The following SLIT2 variants were observed in gnomAD, a reference collection of about 807,000 sequenced individuals.
The protein encoded by SLIT2 is slit homolog 2 protein.
SLIT2 carries 41 observed loss-of-function variants against 185.7 expected under a neutral mutation model. That is an observed-to-expected ratio of 0.22 (90% CI 0.17 to 0.29). The LOEUF (loss-of-function observed/expected upper bound fraction) is 0.29, where lower values mean the gene tolerates loss of function less well. Among genes scored for constraint, SLIT2 ranks in the 10% least tolerant of loss-of-function variants. The pLI, the probability that SLIT2 is intolerant of heterozygous loss-of-function variation, is 1.00. For missense variants in SLIT2, 1,571 were observed against 1,909.0 expected (o/e 0.82, Z 3.30); for synonymous variants, 693 against 680.2 (o/e 1.02, Z -0.29).
chr4:20,256,554 C>G, intron 1 of SLIT2, 118 bp from the exon 2 acceptor site: 2 of 565,270 alleles, frequency 3.5e-6, no homozygotes, highest in Non-Finnish European at 6.3e-6. Flanking sequence ...TTCCTACATA[C>G]TTTGTATACT....
intron 34 of SLIT2, among the ~76,000 whole-genome samples, chr4:20,614,339 C>T (rs1456387319): frequency 6.6e-6 from 1 of 152,142 alleles, no homozygotes; most frequent in Non-Finnish European, 1.5e-5. Context: ...AGGCTTGATA[C>T]TTGGTCTCTT....
intron 25 of SLIT2, among the ~76,000 whole-genome samples, chr4:20,551,128 A>G (rs1389363148): frequency 1.3e-5 from 2 of 152,178 alleles, no homozygotes; most frequent in Non-Finnish European, 2.9e-5. Context: ...GCTTAGCTAA[A>G]CATGTCTCTT....
At chr4:20,330,242 C>A (rs1486172787) in intron 4 of SLIT2, among the ~76,000 whole-genome samples, 1 of 151,978 alleles carries the variant, frequency 6.6e-6, no homozygotes, top group Non-Finnish European at 1.5e-5. Context: ...AATCAATATT[C>A]CAGGAGGCAA....
At chr4:20,489,168 G>A (rs191926283) in intron 8 of SLIT2, among the ~76,000 whole-genome samples, 186 bp downstream of exon 8, 12 of 152,344 alleles carry the variant, frequency 7.9e-5, no homozygotes, top group Admixed American at 7.2e-4. Context: ...CGGTTGGCAA[G>A]TACTGGTTAC....
intron 4 of SLIT2, among the ~76,000 whole-genome samples, chr4:20,417,807 C>G (rs1727823927): frequency 6.6e-6 from 1 of 152,086 alleles, no homozygotes; most frequent in African/African-American, 2.4e-5. Flanking sequence ...CTGCTTCCCA[C>G]AATCTTAACC....
intron 11 of SLIT2, among the ~76,000 whole-genome samples, chr4:20,511,577 C>T (rs1464483654): frequency 2.1e-5 from 1 of 47,530 alleles, no homozygotes; most frequent in Admixed American, 2.4e-4. Flanking sequence ...CCTGCCACCA[C>T]ATCCAGCTAA....
intron 18 of SLIT2, 68 bp downstream of exon 18, chr4:20,533,783 TG>T (rs1356461176): frequency 6.2e-6 from 9 of 1,460,720 alleles, no homozygotes; most frequent in Non-Finnish European, 6.6e-6. Flanking sequence ...ATTATAATCC[TG>T]GGAGAGAGAA....
In SLIT2 at chr4:20,527,411, C is replaced by T. The variant is rs879517655; in HGVS notation, c.1463-1538C>T. Reference sequence around the variant, plus strand: ...TGCCATTCTCCTGCCTCAGCCTCACCGAGTAGCTGGGACTACAGGCGCCCG... The same window carrying T: ...TGCCATTCTCCTGCCTCAGCCTCACTGAGTAGCTGGGACTACAGGCGCCCG... On this transcript the variant is annotated intron_variant, in intron 15 of 36. Transcript: ENST00000504154. 4.9e-4 allele frequency among the ~76,000 whole-genome samples: 74 copies of T among 152,190 alleles called. 1 individual carries two copies. Among genetic ancestry groups the T allele is most frequent in the Admixed American group, 1.6e-3 (25 of 15,284 alleles).
intron 4 of SLIT2, among the ~76,000 whole-genome samples, chr4:20,277,750 T>G (rs149483570): frequency 0.014 from 2,111 of 147,884 alleles, 31 homozygotes; most frequent in Middle Eastern, 0.04. Flanking sequence ...ATGATGTAGC[T>G]ATATCCAAAT....
chr4:20,319,868 T>G (rs1269139524), intron 4 of SLIT2, among the ~76,000 whole-genome samples: 1 of 151,836 alleles, frequency 6.6e-6, no homozygotes, highest in African/African-American at 2.4e-5. Flanking sequence ...TGGGAGTATC[T>G]TTGAATAGCC....
chr4:20,469,523 C>A (rs1052796790), intron 5 of SLIT2, among the ~76,000 whole-genome samples: 52 of 152,084 alleles, frequency 3.4e-4, no homozygotes, highest in African/African-American at 1.2e-3. Context: ...AGTGTTCTAT[C>A]TAATGGGATG....
In SLIT2 at chr4:20,262,924, G is replaced by A. The variant is rs143577358; in HGVS notation, c.323+4985G>A. 2.4e-3 allele frequency among the ~76,000 whole-genome samples: 358 copies of A among 151,764 alleles called. 4 individuals are homozygous for A. The highest frequency in any genetic ancestry group is 2.5e-3 in the Non-Finnish European group (166 of 67,742). On this transcript the variant is annotated intron_variant, in intron 3 of 36. Coordinates refer to ENST00000504154, the MANE Select transcript of SLIT2 (RefSeq NM_004787.4). ...TGAGAAGGCCCGTTTGCTCTTTGTC[G>A]ACCATTTTATAAATTCTGAAGCAGT... is the stretch of plus-strand genomic sequence containing the variant.
intron 4 of SLIT2, among the ~76,000 whole-genome samples, chr4:20,306,879 A>G (rs933008850): frequency 6.6e-6 from 1 of 152,128 alleles, no homozygotes; most frequent in Non-Finnish European, 1.5e-5. Flanking sequence ...AGCAGTATCC[A>G]TGCACTTAAT....
chr4:20,295,280 C>T (rs1716348100), intron 4 of SLIT2, among the ~76,000 whole-genome samples: 1 of 152,160 alleles, frequency 6.6e-6, no homozygotes, highest in South Asian at 2.1e-4. Context: ...GATAAAGAGG[C>T]CCCTACTCTT....
At chr4:20,298,594 A>G (rs1381240135) in intron 4 of SLIT2, among the ~76,000 whole-genome samples, 1 of 152,184 alleles carries the variant, frequency 6.6e-6, no homozygotes, top group Non-Finnish European at 1.5e-5. Context: ...GGATTCCTGT[A>G]GGTTGGGGCA....
At chr4:20,519,288 A>G (rs1049344696) in intron 11 of SLIT2, 94 bp from the exon 12 acceptor site, 10 of 696,216 alleles carry the variant, frequency 1.4e-5, no homozygotes, top group African/African-American at 5.4e-5. Context: ...TTGATTGCCT[A>G]CTAGCTTCCT....
chr4:20,440,529 TA>T (rs35114187), intron 4 of SLIT2, among the ~76,000 whole-genome samples: 15 of 150,324 alleles, frequency 1.0e-4, no homozygotes, highest in African/African-American at 2.4e-4. Flanking sequence ...TATACGGCCC[TA>T]AAAAAAAAGC....
intron 11 of SLIT2, among the ~76,000 whole-genome samples, chr4:20,515,889 C>T (rs1391716217): frequency 6.6e-6 from 1 of 152,162 alleles, no homozygotes; most frequent in Non-Finnish European, 1.5e-5. Context: ...AATCTCGGCT[C>T]ACTGCAACCT....
chr4:20,403,319 A>T (rs921871336), intron 4 of SLIT2, among the ~76,000 whole-genome samples: 1 of 152,068 alleles, frequency 6.6e-6, no homozygotes, highest in Non-Finnish European at 1.5e-5. Context: ...ATATTGAAAC[A>T]TACTATTGGC....
Sources: allele counts gnomAD v4.1 joint callset (sites outside exome capture counted in the v4.1 genomes callset), GRCh38; gene constraint gnomAD v4.1.1; transcripts MANE v1.5; gene names NCBI Gene and HGNC (gene_info 2026-07-23, HGNC 2026-07-21).